NHS: variants seen among roughly 807,000 people sequenced by gnomAD.
NHS encodes actin remodeling regulator NHS.
In NHS, 5 loss-of-function variants were observed where a neutral mutation model predicts 72.5. The observed-to-expected ratio is 0.07, with a 90% CI of 0.04 to 0.14. The LOEUF (loss-of-function observed/expected upper bound fraction) is 0.14, where lower values mean the gene tolerates loss of function less well. Among genes scored for constraint, NHS ranks in the 10% least tolerant of loss-of-function variants. NHS has a pLI of 1.00. For missense variants in NHS, 1,072 were observed against 1,355.7 expected (o/e 0.79, Z 3.29); for synonymous variants, 464 against 547.7 (o/e 0.85, Z 2.13).
chrX:17,461,842 A>C (rs1194346901), intron 1 of NHS, among the ~76,000 whole-genome samples: 1 of 112,353 alleles, frequency 8.9e-6, no homozygotes, highest in Non-Finnish European at 1.9e-5. Context: ...GGTCAGGGTG[A>C]CTTAATTCTC....
chrX:17,702,037 G>C (rs2147122730), intron 3 of NHS, among the ~76,000 whole-genome samples: 1 of 111,357 alleles, frequency 9.0e-6, no homozygotes, highest in African/African-American at 3.3e-5. Context: ...TCCCTACGGG[G>C]GATGAGTGGG....
Position 17,375,267 on chromosome X carries a change from G to T in NHS, c.-491G>T, listed in dbSNP as rs2064339529. ...GAGATCCCGGGCGCAATCGCTCCCC[G>T]GAGCGGCCGAGGGGCGCGCGGGGAG... On this transcript the variant is annotated 5_prime_UTR_variant, in exon 1 of 9. Coordinates refer to ENST00000676302, the MANE Select transcript of NHS (RefSeq NM_001291867.2). 8.9e-6 allele frequency among the ~76,000 whole-genome samples: 1 copy of T among 112,302 alleles called. No homozygotes were observed. Among genetic ancestry groups the T allele is most frequent in the South Asian group, 3.6e-4 (1 of 2,742 alleles).
Position 17,733,490 on chromosome X carries a change from T to C in NHS, c.*1026T>C, listed in dbSNP as rs1024955994. 8.9e-6 allele frequency: 1 copy of C among 112,373 alleles called. No homozygotes were observed. The allele number at this position is 112,373 out of a possible 1,213,427, so 9.3% of individuals were successfully genotyped here. A position where few individuals can be genotyped will look rare whatever the true frequency, so the allele number is the denominator to read the frequency against. ...TGGGGACATAAACGGTCATAACTAA[T>C]GACTGTAATCATTAAACTCCTTAAA... is the stretch of plus-strand genomic sequence containing the variant. On this transcript the variant is annotated 3_prime_UTR_variant, in exon 9 of 9. Transcript: ENST00000676302.
rs148211879 is a variant in NHS at position 17,420,024 on chromosome X, G to A, written c.565+43702G>A. 1.6e-3 allele frequency among the ~76,000 whole-genome samples: 173 copies of A among 111,053 alleles called. 1 individual carries two copies. Among genetic ancestry groups the A allele is most frequent in the African/African-American group, 5.3e-3 (163 of 30,577 alleles). On this transcript the variant is annotated intron_variant, in intron 1 of 8. Coordinates refer to ENST00000676302, the MANE Select transcript of NHS (RefSeq NM_001291867.2). ...GGTTGTAGATTTATTTTAATTCTCC[G>A]TGCCATAGTATTCTACCTCAGCATG...
chrX:17,602,182 C>CACA (rs200704576), intron 1 of NHS, among the ~76,000 whole-genome samples: 7 of 110,904 alleles, frequency 6.3e-5, no homozygotes, highest in African/African-American at 6.6e-5. Flanking sequence ...TGATCACACA[C>CACA]ACAACAACAA....
At chrX:17,719,042 GAGGGAAGGAAGGA>G (rs1029237177) in intron 3 of NHS, among the ~76,000 whole-genome samples, 3 of 95,163 alleles carry the variant, frequency 3.2e-5, no homozygotes, top group Non-Finnish European at 6.4e-5. Context: ...AAGAAGGAGG[GAGGGAAGGAAGGA>G]AGGGAAGGAA....
At chrX:17,390,391 C>T (rs903149253) in intron 1 of NHS, among the ~76,000 whole-genome samples, 1 of 109,497 alleles carries the variant, frequency 9.1e-6, no homozygotes. Context: ...CCCCTCCCCA[C>T]CCCTGAAGTG....
chrX:17,446,168 C>T (rs1277817407), intron 1 of NHS, among the ~76,000 whole-genome samples: 2 of 110,701 alleles, frequency 1.8e-5, no homozygotes, highest in East Asian at 2.8e-4. Context: ...GTTCCCACGC[C>T]GCCCCAATCC....
chrX:17,685,588 A>T (rs1569308604), intron 1 of NHS, among the ~76,000 whole-genome samples: 1 of 109,890 alleles, frequency 9.1e-6, no homozygotes, highest in Non-Finnish European at 1.9e-5. Context: ...AAGCATGGGC[A>T]CCAAAAAATG....
chrX:17,723,315 C>T (rs139035819), intron 5 of NHS, among the ~76,000 whole-genome samples: 2 of 111,941 alleles, frequency 1.8e-5, no homozygotes, highest in East Asian at 2.8e-4. Context: ...TTCCAAAGCA[C>T]GGCATTGTGA....
chrX:17,490,588 G>C (rs975700005), intron 1 of NHS, among the ~76,000 whole-genome samples: 2 of 112,102 alleles, frequency 1.8e-5, no homozygotes, highest in Non-Finnish European at 3.8e-5. Context: ...TTTTTCTTAG[G>C]ATTGTCTTGA....
At chrX:17,730,741 C>T (rs1343545180) in intron 8 of NHS, among the ~76,000 whole-genome samples, 2 of 112,114 alleles carry the variant, frequency 1.8e-5, no homozygotes, top group South Asian at 3.7e-4. Context: ...ACTTATTTAT[C>T]TATTTACTTG....
chrX:17,568,675 T>TTAA (rs1339786359), intron 1 of NHS, among the ~76,000 whole-genome samples: 1 of 105,823 alleles, frequency 9.4e-6, no homozygotes, highest in Non-Finnish European at 1.9e-5. Context: ...ATTATTATTA[T>TTAA]TATTATTATG....
intron 1 of NHS, among the ~76,000 whole-genome samples, chrX:17,591,494 T>C (rs1216659141): frequency 2.7e-5 from 3 of 111,972 alleles, no homozygotes; most frequent in Non-Finnish European, 1.9e-5. Context: ...ATTATTTCCA[T>C]GGTATTTGGT....
At chrX:17,595,079 A>G (rs1315354527) in intron 1 of NHS, among the ~76,000 whole-genome samples, 2 of 111,978 alleles carry the variant, frequency 1.8e-5, no homozygotes, top group African/African-American at 3.3e-5. Flanking sequence ...GTGGATATCA[A>G]CAGCAGCCAC....
At chrX:17,677,568 G>A (rs1031897145) in intron 1 of NHS, among the ~76,000 whole-genome samples, 3 of 111,096 alleles carry the variant, frequency 2.7e-5, no homozygotes, top group Non-Finnish European at 5.7e-5. Context: ...GGACAGCCCA[G>A]TTCATGCTAA....
intron 1 of NHS, among the ~76,000 whole-genome samples, chrX:17,534,583 C>A (rs1435076892): frequency 2.7e-5 from 3 of 111,530 alleles, no homozygotes; most frequent in Non-Finnish European, 5.6e-5. Context: ...TGGCAACTCC[C>A]CAGGGTCTAT....
Position 17,597,116 on chromosome X carries a change from G to GTTT in NHS, c.566-90607_566-90605dup, listed in dbSNP as rs59820959. The stretch of plus-strand genomic sequence containing the variant: ...TTCAGGAACTTAAGACTATTCTTCC[G>GTTT]TTTTTTTTTTTTTTTTTTTTTGATA... On this transcript the variant is annotated intron_variant, in intron 1 of 8. Coordinates refer to ENST00000676302, the MANE Select transcript of NHS (RefSeq NM_001291867.2). Among the ~76,000 whole-genome samples the GTTT allele has an allele frequency of 1.2e-4, 10 of 83,258 alleles. 1 individual carries two copies. The highest frequency in any genetic ancestry group is 1.4e-4 in the Non-Finnish European group (6 of 44,441). The allele number at this position is 83,258 out of a possible 115,157, so 72.3% of individuals were successfully genotyped here.
chrX:17,550,979 T>C (rs1292646334), intron 1 of NHS, among the ~76,000 whole-genome samples: 4 of 111,076 alleles, frequency 3.6e-5, no homozygotes, highest in African/African-American at 1.3e-4. Flanking sequence ...CCCAGGGTTT[T>C]CTTTCTTGCT....
Sources: allele counts gnomAD v4.1 joint callset (sites outside exome capture counted in the v4.1 genomes callset), GRCh38; gene constraint gnomAD v4.1.1; transcripts MANE v1.5; gene names NCBI Gene and HGNC (gene_info 2026-07-23, HGNC 2026-07-21).